The following TEX9 variants were observed in gnomAD, a reference collection of about 807,000 sequenced individuals.
TEX9 encodes testis-expressed protein 9.
Under a neutral mutation model 59.6 loss-of-function variants are expected in TEX9, and 74 were observed. That is an observed-to-expected ratio of 1.24 (90% CI 1.03 to 1.51). TEX9 has a LOEUF of 1.51. Ranked by LOEUF, TEX9 falls within the 40% of genes most tolerant of loss-of-function variation. TEX9 has a pLI of 0.00. For missense variants in TEX9, 522 were observed against 447.8 expected (o/e 1.17, Z -1.49); for synonymous variants, 186 against 152.2 (o/e 1.22, Z -1.64).
rs530148802 is a variant in TEX9, at chr15:56,401,178, C to A, written c.828+6344C>A. Among the ~76,000 whole-genome samples, 14 of 152,088 alleles carry A rather than the reference C, an allele frequency of 9.2e-5. No homozygotes were observed. The South Asian group carries it at 2.9e-3, about 32-fold the overall frequency. ...GGCTAAATGCCCCAATTAAAAGACA[C>A]AGACTCGCAAATTGGATATAGAGTC... On this transcript the variant is annotated intron_variant, in intron 9 of 12. Coordinates refer to ENST00000352903, the Ensembl canonical transcript of TEX9.
intron 1 of TEX9, among the ~76,000 whole-genome samples, chr15:56,309,693 G>GTTTTTTTTTTTTTTTTTTTT (rs60648387): frequency 6.6e-5 from 4 of 60,786 alleles, no homozygotes; most frequent in Non-Finnish European, 8.4e-5. Context: ...TTTATGGGAA[G>GTTTTTTTTTTTTTTTTTTTT]TTTTTTTTTT....
intron 1 of TEX9, among the ~76,000 whole-genome samples, chr15:56,333,933 A>G (rs1656666339): frequency 1.3e-5 from 2 of 152,164 alleles, no homozygotes; most frequent in South Asian, 4.1e-4. Flanking sequence ...TACAAATAAA[A>G]TTAAATACCT....
At chr15:56,280,292 A>G (rs2044784718) in intron 1 of TEX9, among the ~76,000 whole-genome samples, 1 of 152,206 alleles carries the variant, frequency 6.6e-6, no homozygotes, top group South Asian at 2.1e-4. Flanking sequence ...ATCGCTGATG[A>G]CAGCTTAAAC....
intron 12 of TEX9, among the ~76,000 whole-genome samples, chr15:56,437,165 AAG>A (rs1349221651): frequency 4.6e-5 from 7 of 152,324 alleles, no homozygotes; most frequent in African/African-American, 1.7e-4. Flanking sequence ...CCACAAAAAA[AAG>A]AGAATTTAAG....
chr15:56,443,356 CTA>C, intron 12 of TEX9: 1 of 1,090,720 alleles, frequency 9.2e-7, no homozygotes. Context: ...TTTAAATGTA[CTA>C]TCTCTTTTCT....
intron 12 of TEX9, chr15:56,443,719 AGCAAACTCTAT>A: frequency 6.2e-7 from 1 of 1,613,304 alleles, no homozygotes; most frequent in Middle Eastern, 1.7e-4. Flanking sequence ...GCTGCATGTT[AGCAAACTCTAT>A]GATTTTTCTG....
chr15:56,256,854 G>A (rs2044156124), intron 1 of TEX9, among the ~76,000 whole-genome samples: 1 of 151,996 alleles, frequency 6.6e-6, no homozygotes, highest in Admixed American at 6.6e-5. Context: ...GTGTCATGGG[G>A]GTTTGTTGTA....
At chr15:56,388,036 G>A (rs1166298530) in intron 4 of TEX9, among the ~76,000 whole-genome samples, 3 of 151,996 alleles carry the variant, frequency 2.0e-5, no homozygotes, top group African/African-American at 7.2e-5. Context: ...AGGCAGACGT[G>A]ATTTCTACCC....
intron 1 of TEX9, chr15:56,323,607 C>A: frequency 6.9e-6 from 1 of 145,212 alleles, no homozygotes; most frequent in South Asian, 1.9e-4. Flanking sequence ...AGCAAAAAAA[C>A]GGGAGATGTC....
rs1457621538 is a variant in TEX9 at position 56,263,946 on chromosome 15, T to C, written c.-107+19668T>C. On this transcript the variant is annotated intron_variant, in intron 1 of 5. Coordinates refer to the TEX9 transcript ENST00000560827. ...CCAATTTGTCTATCCATTCACCAGG[T>C]GAAAGACATTTTTGGGGTTATTTCC... 2.6e-5 allele frequency among the ~76,000 whole-genome samples: 4 copies of C among 152,202 alleles called. No homozygotes were observed. The East Asian group carries it at 5.8e-4, about 22-fold the overall frequency.
At chr15:56,273,495 A>G (rs1325606281) in intron 1 of TEX9, among the ~76,000 whole-genome samples, 1 of 152,204 alleles carries the variant, frequency 6.6e-6, no homozygotes, top group African/African-American at 2.4e-5. Context: ...AACCCAAAGT[A>G]GTCTTTCTAT....
At chr15:56,249,797 T>C (rs1596041411) in intron 1 of TEX9, among the ~76,000 whole-genome samples, 2 of 138,256 alleles carry the variant, frequency 1.4e-5, no homozygotes, top group African/African-American at 5.3e-5. Flanking sequence ...TATGGGCAGG[T>C]GGAATTACAG....
chr15:56,401,896 A>C (rs1229744527), intron 9 of TEX9, among the ~76,000 whole-genome samples: 1 of 152,242 alleles, frequency 6.6e-6, no homozygotes, highest in Non-Finnish European at 1.5e-5. Context: ...GTACATAATG[A>C]AATGAAGGCA....
At position 56,335,367 on chromosome 15, in the gene TEX9, A is replaced by C. The variant is rs140211976; in HGVS notation, c.-106-38074A>C. ...GCAACAACAAAATGGATGGAACTGG[A>C]GGTCATTATATTAAGTGAAATAAGC... On this transcript the variant is annotated intron_variant, in intron 1 of 5. Coordinates refer to the TEX9 transcript ENST00000560827. 2.8e-3 allele frequency among the ~76,000 whole-genome samples: 425 copies of C among 152,286 alleles called. 4 individuals carry two copies. The highest frequency in any genetic ancestry group is 9.7e-3 in the African/African-American group (405 of 41,568).
chr15:56,248,412 G>A (rs1448792939), intron 1 of TEX9, among the ~76,000 whole-genome samples: 1 of 152,142 alleles, frequency 6.6e-6, no homozygotes, highest in Non-Finnish European at 1.5e-5. Context: ...GCAGCAGACT[G>A]TTAACACTGT....
chr15:56,404,365 CA>C (rs1162880002), intron 9 of TEX9, among the ~76,000 whole-genome samples: 17 of 152,094 alleles, frequency 1.1e-4, no homozygotes, highest in Non-Finnish European at 1.5e-5. Context: ...TTTATGCAGC[CA>C]AAAGACACAT....
chr15:56,285,187 A>T (rs1200973883), intron 1 of TEX9, among the ~76,000 whole-genome samples: 1 of 152,044 alleles, frequency 6.6e-6, no homozygotes, highest in Non-Finnish European at 1.5e-5. Flanking sequence ...TGGGAGTGCT[A>T]GTTGCAGTCT....
chr15:56,320,386 C>T (rs1208906248), intron 1 of TEX9, among the ~76,000 whole-genome samples: 1 of 152,142 alleles, frequency 6.6e-6, no homozygotes, highest in Non-Finnish European at 1.5e-5. Flanking sequence ...AGGTTCTAGT[C>T]AATTTAGTTT....
intron 12 of TEX9, chr15:56,429,899 T>C (rs1346504163): frequency 6.6e-6 from 1 of 152,172 alleles, no homozygotes; most frequent in East Asian, 1.9e-4. Context: ...TACAAAAATA[T>C]CAAATCCCAA....
Sources: allele counts gnomAD v4.1 joint callset (sites outside exome capture counted in the v4.1 genomes callset), GRCh38; gene constraint gnomAD v4.1.1; transcripts MANE v1.5; gene names NCBI Gene and HGNC (gene_info 2026-07-23, HGNC 2026-07-21).